COPG2: variants seen among roughly 807,000 people sequenced by gnomAD.
COPG2 encodes coatomer subunit gamma-2.
COPG2 carries 37 observed loss-of-function variants against 46.3 expected under a neutral mutation model. That is an observed-to-expected ratio of 0.80 (90% confidence interval 0.61 to 1.05). The LOEUF is 1.05. Ranked by LOEUF, COPG2 falls within the 50% of genes least tolerant of loss-of-function variation. The pLI is 0.00. For synonymous variants in COPG2, 159 were observed against 129.7 expected, an observed-to-expected ratio of 1.23 and a Z score of -1.53; for missense variants, 427 against 387.8, an observed-to-expected ratio of 1.10 and a Z score of -0.85.
At position 130,507,329 on chromosome 7, in the gene COPG2, A is replaced by C. The variant is rs781899631; in HGVS notation, c.2430T>G (p.Cys810Trp). The C allele has an allele frequency of 1.3e-6, 1 of 780,744 alleles. No individual in the cohort carries two copies. Among genetic ancestry groups the C allele is most frequent in the Non-Finnish European group, 2.4e-6 (1 of 417,870 alleles). 48.4% of individuals were successfully genotyped at this position (780,744 alleles called of 1,614,324 possible). Residue 810 changes from cysteine (C) to tryptophan (W), a missense_variant, in exon 23 of 24, where the codon TGT (cysteine) becomes TGG (tryptophan). By Grantham distance (215) the Cys-to-Trp change is radical. Coordinates refer to ENST00000425248, the MANE Select transcript of COPG2 (RefSeq NM_012133.6). ...TCTCAGGTACTTTATCGGACCTCTCACATGGCTGCATGCCCAGAAATGTGA... is the reference window on the plus strand; with the variant it reads ...TCTCAGGTACTTTATCGGACCTCTCCCATGGCTGCATGCCCAGAAATGTGA... ...NIITFLGMQP[C>W]ERSDKVPENK...
At chr7:130,662,209 G>A (rs1011368957) in intron 4 of COPG2, among the ~76,000 whole-genome samples, 17 of 152,106 alleles carry the variant, frequency 1.1e-4, no homozygotes, top group African/African-American at 4.1e-4. Context: ...CCTTACAGGG[G>A]ACTGCTGATC....
At chr7:130,526,205 G>GA (rs1799772902) in intron 20 of COPG2, among the ~76,000 whole-genome samples, 1 of 152,148 alleles carries the variant, frequency 6.6e-6, no homozygotes, top group Non-Finnish European at 1.5e-5. Context: ...GCGCTGGCCT[G>GA]AATCAGTGGA....
At chr7:130,583,394 C>T (rs1208531239) in intron 9 of COPG2, among the ~76,000 whole-genome samples, 3 of 146,348 alleles carry the variant, frequency 2.0e-5, no homozygotes, top group African/African-American at 7.6e-5. Context: ...ATACCTAATG[C>T]TAGATGACGA....
In COPG2 at chr7:130,506,485, G is replaced by GA. The variant is rs61354155; in HGVS notation, c.*190dup. The GA allele has an allele frequency of 0.056, 18,346 of 325,380 alleles. 1 individual carries two copies. Among genetic ancestry groups the GA allele is most frequent in the Middle Eastern group, 0.12 (142 of 1,228 alleles). The allele number at this position is 325,380 out of a possible 1,614,324, so 20.2% of individuals were successfully genotyped here. On this transcript the variant is annotated 3_prime_UTR_variant, in exon 24 of 24. Transcript: ENST00000425248. ...CAAAGCTGACCAAGTAGAATAAAAA[G>GA]AAAAAAAAAAAAAAACAACCCATGC...
Position 130,541,633 on chromosome 7 carries a change from A to C in COPG2, c.2149+6041T>G, listed in dbSNP as rs1012272879. Among the ~76,000 whole-genome samples the C allele has an allele frequency of 1.3e-3, 198 of 152,238 alleles. 1 individual carries two copies. The highest frequency in any genetic ancestry group is 3.7e-3 in the South Asian group (18 of 4,820). The stretch of plus-strand genomic sequence containing the variant: ...GGCAGATGTTCCCCAGAGTGTTTTT[A>C]CACAGTGTGAAAGAAAGGATGAGAA... On this transcript the variant is annotated intron_variant, in intron 20 of 23. Coordinates refer to ENST00000425248, the MANE Select transcript of COPG2 (RefSeq NM_012133.6).
chr7:130,513,921 C>T (rs1015587204), intron 20 of COPG2, among the ~76,000 whole-genome samples: 83 of 152,064 alleles, frequency 5.5e-4, no homozygotes, highest in African/African-American at 1.7e-3. Context: ...TGGAGGGATA[C>T]GGCCCCATAA....
chr7:130,526,495 C>T (rs1015473026), intron 20 of COPG2, among the ~76,000 whole-genome samples: 15 of 152,004 alleles, frequency 9.9e-5, no homozygotes, highest in East Asian at 9.8e-4. Context: ...GATAAGGCAG[C>T]GCAACGGGGG....
chr7:130,625,362 T>C (rs1795099894), intron 5 of COPG2, among the ~76,000 whole-genome samples: 1 of 152,252 alleles, frequency 6.6e-6, no homozygotes. Context: ...TACTTCTTTG[T>C]TAACTCATTC....
intron 4 of COPG2, among the ~76,000 whole-genome samples, chr7:130,654,229 G>A (rs1444935043): frequency 6.6e-6 from 1 of 152,130 alleles, no homozygotes; most frequent in East Asian, 1.9e-4. Flanking sequence ...ACACAGAAAT[G>A]CTGAATAAAA....
chr7:130,617,577 A>G (rs974204034), intron 5 of COPG2, among the ~76,000 whole-genome samples: 2 of 152,242 alleles, frequency 1.3e-5, no homozygotes, highest in African/African-American at 2.4e-5. Context: ...CTTCAAAAAC[A>G]GGCAGAGGTG....
At chr7:130,619,058 A>G (rs1794995131) in intron 5 of COPG2, among the ~76,000 whole-genome samples, 1 of 152,116 alleles carries the variant, frequency 6.6e-6, no homozygotes, top group African/African-American at 2.4e-5. Flanking sequence ...TTAATAGGCA[A>G]TGTCTGGTGT....
intron 14 of COPG2, 140 bp downstream of exon 14, chr7:130,554,341 A>T: frequency 2.5e-6 from 1 of 394,726 alleles, no homozygotes; most frequent in South Asian, 1.4e-4. Flanking sequence ...TTGAGTACAA[A>T]GAAAGATATC....
intron 9 of COPG2, among the ~76,000 whole-genome samples, chr7:130,598,160 T>C (rs532245833): frequency 8.3e-4 from 126 of 152,202 alleles, no homozygotes; most frequent in African/African-American, 2.7e-3. Context: ...TTTTTTTTTG[T>C]ATCCCTCTGC....
At chr7:130,545,933 T>A (rs1363333050) in intron 20 of COPG2, among the ~76,000 whole-genome samples, 1 of 152,208 alleles carries the variant, frequency 6.6e-6, no homozygotes, top group Non-Finnish European at 1.5e-5. Context: ...ATTTTGGTAT[T>A]ATAAAATTAT....
At chr7:130,549,923 A>G (rs2116384838) in intron 17 of COPG2, among the ~76,000 whole-genome samples, 1 of 152,314 alleles carries the variant, frequency 6.6e-6, no homozygotes, top group East Asian at 1.9e-4. Context: ...AACTTCAGAA[A>G]ATAAAAATAG....
chr7:130,646,921 T>TTG (rs71178599), intron 5 of COPG2, among the ~76,000 whole-genome samples: 1 of 142,344 alleles, frequency 7.0e-6, no homozygotes, highest in South Asian at 2.2e-4. Flanking sequence ...TAGTGTGTGT[T>TTG]TGTGTGTGTA....
chr7:130,629,947 C>T (rs1442961814), intron 5 of COPG2, among the ~76,000 whole-genome samples: 31 of 147,994 alleles, frequency 2.1e-4, no homozygotes, highest in African/African-American at 7.2e-4. Context: ...GACAGAGTTT[C>T]GCTCTTGTCG....
chr7:130,507,742 C>T lies in COPG2; in HGVS notation c.2329G>A (p.Gly777Arg). 1 of 780,418 alleles carries T rather than the reference C, an allele frequency of 1.3e-6. No individual in the cohort carries two copies. Among genetic ancestry groups the T allele is most frequent in the South Asian group, 1.3e-5 (1 of 74,592 alleles). The allele number at this position is 780,418 out of a possible 1,614,324, so 48.3% of individuals were successfully genotyped here. ...GTTTCCTCTTTCTCAAAGGTATCTC[C>T]CACCTCTTCCCAAGCAGCAGCAAAG... ...PNFAAAWEEV[G>R]DTFEKEETFA... The change falls in exon 22 of 24, where the codon GGA (glycine) becomes AGA (arginine). Residue 777 changes from glycine to arginine, a missense_variant. Gly to Arg is a moderately radical substitution (Grantham distance 125). Coordinates refer to ENST00000425248, the MANE Select transcript of COPG2 (RefSeq NM_012133.6).
At chr7:130,507,457 G>A in intron 22 of COPG2, 85 bp from the exon 23 acceptor site, 1 of 758,944 alleles carries the variant, frequency 1.3e-6, no homozygotes, top group South Asian at 1.4e-5. Context: ...GGGAGCTGGG[G>A]TGGAAGGGTT....
Sources: gnomAD v4.1 joint callset for allele counts (sites outside exome capture counted in the v4.1 genomes callset) on GRCh38, gnomAD v4.1.1 for gene constraint, MANE v1.5 for transcripts, NCBI Gene and HGNC (gene_info 2026-07-23, HGNC 2026-07-21) for gene names.